The following FBXW10B variants were observed in gnomAD, a reference collection of about 807,000 sequenced individuals.
FBXW10B encodes the protein F-box and WD repeat domain containing 10B.
chr17:15,596,816 C>T, the FBXW10B span: 4 of 522,578 alleles, frequency 7.7e-6, no homozygotes, highest in East Asian at 1.5e-4. Flanking sequence ...CTAGCACCTC[C>T]GAAGAGCAGG....
At chr17:15,615,302 T>C in the FBXW10B span, among the ~76,000 whole-genome samples, 9 of 147,032 alleles carry the variant, frequency 6.1e-5, no homozygotes, top group South Asian at 2.2e-4. Context: ...CAATCTCACA[T>C]TGGTTGCATA....
chr17:15,593,309 A>G, the FBXW10B span: 2 of 1,611,518 alleles, frequency 1.2e-6, no homozygotes, highest in Non-Finnish European at 1.7e-6. Context: ...AATCACTCAC[A>G]GTTCTGACCT....
At chr17:15,613,853 T>C in the FBXW10B span, 1 of 1,604,724 alleles carries the variant, frequency 6.2e-7, no homozygotes, top group Non-Finnish European at 8.5e-7. Flanking sequence ...CTTGGAGAGG[T>C]GGATGGGCAG....
At chr17:15,570,519 CAGACCAGA>C in the FBXW10B span, among the ~76,000 whole-genome samples, 5 of 152,210 alleles carry the variant, frequency 3.3e-5, no homozygotes, top group African/African-American at 1.2e-4. Flanking sequence ...GGAAAATGTA[CAGACCAGA>C]CTACACTGTG....
At chr17:15,598,891 C>G in the FBXW10B span, 24 of 615,176 alleles carry the variant, frequency 3.9e-5, no homozygotes, top group Non-Finnish European at 5.9e-5. Context: ...TAATAAGAGT[C>G]GTTGGTCAGG....
chr17:15,617,900 A>G, the FBXW10B span, among the ~76,000 whole-genome samples: 111 of 152,040 alleles, frequency 7.3e-4, no homozygotes, highest in African/African-American at 2.7e-3. Flanking sequence ...AACAGACACC[A>G]CCCTTATTGT....
chr17:15,611,270 C>T, the FBXW10B span, among the ~76,000 whole-genome samples: 1 of 152,200 alleles, frequency 6.6e-6, no homozygotes, highest in African/African-American at 2.4e-5. Flanking sequence ...GATCCGCCCG[C>T]CTCGGCCTCC....
At chr17:15,602,049 T>C in the FBXW10B span, among the ~76,000 whole-genome samples, 3 of 149,172 alleles carry the variant, frequency 2.0e-5, no homozygotes, top group Non-Finnish European at 4.4e-5. Flanking sequence ...AAGGCGGAGC[T>C]GGCAGTGAGC....
the FBXW10B span, among the ~76,000 whole-genome samples, chr17:15,604,918 G>A: frequency 6.6e-6 from 1 of 152,218 alleles, no homozygotes; most frequent in African/African-American, 2.4e-5. Context: ...GAAAGAATCT[G>A]TAAGAACAAA....
At chr17:15,569,917 ATTAT>A in the FBXW10B span, among the ~76,000 whole-genome samples, 1 of 152,136 alleles carries the variant, frequency 6.6e-6, no homozygotes, top group South Asian at 2.1e-4. Context: ...TTTCAATGGC[ATTAT>A]TTGTTTGTTT....
chr17:15,618,112 G>A, the FBXW10B span, among the ~76,000 whole-genome samples: 5 of 152,126 alleles, frequency 3.3e-5, no homozygotes, highest in Non-Finnish European at 7.4e-5. Context: ...GGCGGATCAC[G>A]AGGTCAGGAG....
chr17:15,574,039 T>C, the FBXW10B span: 1 of 671,012 alleles, frequency 1.5e-6, no homozygotes, highest in Admixed American at 2.4e-5. Flanking sequence ...GCCAGGTGTC[T>C]CTCACGCTGC....
At chr17:15,570,843 G>A in the FBXW10B span, among the ~76,000 whole-genome samples, 1 of 152,018 alleles carries the variant, frequency 6.6e-6, no homozygotes, top group African/African-American at 2.4e-5. Flanking sequence ...AGGACTCTTC[G>A]ATAAAACACA....
chr17:15,612,436 C>G, the FBXW10B span, among the ~76,000 whole-genome samples: 5 of 152,090 alleles, frequency 3.3e-5, no homozygotes, highest in South Asian at 2.1e-4. Flanking sequence ...ATGGCGTGAA[C>G]CCGGGAGGCG....
chr17:15,587,317 G>A, the FBXW10B span, among the ~76,000 whole-genome samples: 1 of 151,540 alleles, frequency 6.6e-6, no homozygotes, highest in African/African-American at 2.4e-5. Flanking sequence ...AAGGCAGAAT[G>A]TGCACTCAGA....
At chr17:15,600,511 T>C in the FBXW10B span, among the ~76,000 whole-genome samples, 14 of 148,924 alleles carry the variant, frequency 9.4e-5, no homozygotes. Context: ...AGAAAAGGTA[T>C]TTGATAAATA....
chr17:15,618,865 G>A, the FBXW10B span: 8 of 1,478,424 alleles, frequency 5.4e-6, no homozygotes, highest in Non-Finnish European at 7.2e-6. Flanking sequence ...TCAGGACGAG[G>A]TGTCAGTTCA....
chr17:15,578,713 C>G, the FBXW10B span, among the ~76,000 whole-genome samples: 1 of 152,022 alleles, frequency 6.6e-6, no homozygotes, highest in African/African-American at 2.4e-5. Context: ...CTCTGATTTT[C>G]GTAGCTGGGA....
the FBXW10B span, among the ~76,000 whole-genome samples, chr17:15,589,572 A>G: frequency 2.2e-4 from 34 of 151,118 alleles, no homozygotes; most frequent in East Asian, 4.7e-3. Context: ...TAAATCGTTC[A>G]TACTGTCTAT....
Sources: gnomAD v4.1 joint callset for allele counts (sites outside exome capture counted in the v4.1 genomes callset) on GRCh38, gnomAD v4.1.1 for gene constraint, MANE v1.5 for transcripts, NCBI Gene and HGNC (gene_info 2026-07-23, HGNC 2026-07-21) for gene names.